The following LSM14A variants were observed in gnomAD, a reference collection of about 807,000 sequenced individuals.
The protein encoded by LSM14A is protein LSM14 homolog A.
Under a neutral mutation model 52.4 loss-of-function variants are expected in LSM14A, and 14 were observed. The observed-to-expected ratio is 0.27, with a 90% CI of 0.18 to 0.42. The LOEUF (loss-of-function observed/expected upper bound fraction) is 0.42, where lower values mean the gene tolerates loss of function less well. LSM14A is among the 10% of genes least tolerant of loss of function. LSM14A has a pLI of 1.00. For synonymous variants in LSM14A, 185 were observed against 200.3 expected, an observed-to-expected ratio of 0.92 and a Z score of 0.64; for missense variants, 417 against 581.8, an observed-to-expected ratio of 0.72 and a Z score of 2.91.
intron 9 of LSM14A, among the ~76,000 whole-genome samples, chr19:34,224,157 C>T (rs1364090007): frequency 1.3e-5 from 2 of 151,880 alleles, no homozygotes; most frequent in African/African-American, 4.8e-5. Context: ...GGTGAAACCC[C>T]GTCTCTACCA....
rs1039459032 is a variant in LSM14A, at chr19:34,229,223, A to G, written c.*1835A>G. The G allele has an allele frequency of 1.3e-5, 2 of 152,256 alleles. No homozygotes were observed. Among genetic ancestry groups the G allele is most frequent in the African/African-American group, 4.8e-5 (2 of 41,468 alleles). The allele number at this position is 152,256 out of a possible 1,614,324, so 9.4% of individuals were successfully genotyped here. A position where few individuals can be genotyped will look rare whatever the true frequency, so the allele number is the denominator to read the frequency against. ...ATAACTGGCAGCATGGCATACCTGC[A>G]GTACCCCTTACAATATTAAAGCAAA... On this transcript the variant is annotated 3_prime_UTR_variant, in exon 10 of 10. Coordinates refer to ENST00000544216, the MANE Select transcript of LSM14A (RefSeq NM_015578.4).
chr19:34,198,150 T>A (rs996539020), intron 3 of LSM14A, among the ~76,000 whole-genome samples: 2 of 152,234 alleles, frequency 1.3e-5, no homozygotes, highest in Non-Finnish European at 2.9e-5. Flanking sequence ...ACTGTTTCAC[T>A]GCACCACAAA....
intron 3 of LSM14A, among the ~76,000 whole-genome samples, chr19:34,207,456 C>T (rs1271777237): frequency 6.6e-6 from 1 of 152,044 alleles, no homozygotes; most frequent in African/African-American, 2.4e-5. Flanking sequence ...GGAGCTGCAG[C>T]CAGACTGGAC....
intron 9 of LSM14A, among the ~76,000 whole-genome samples, chr19:34,222,345 A>G (rs1334106002): frequency 6.6e-6 from 1 of 152,184 alleles, no homozygotes; most frequent in African/African-American, 2.4e-5. Flanking sequence ...AAATGTTTCG[A>G]TATATTGGCC....
intron 3 of LSM14A, among the ~76,000 whole-genome samples, chr19:34,197,020 A>G (rs1227547386): frequency 3.3e-5 from 5 of 151,868 alleles, no homozygotes; most frequent in African/African-American, 4.8e-5. Flanking sequence ...GGTATATCCA[A>G]TATCTACCAA....
At chr19:34,192,325 T>TTTTTGTTTTTTTTTTG (rs2070472050) in intron 1 of LSM14A, among the ~76,000 whole-genome samples, 2 of 88,508 alleles carry the variant, frequency 2.3e-5, no homozygotes, top group Non-Finnish European at 4.2e-5. Flanking sequence ...TGTTGTTTTT[T>TTTTTGTTTTTTTTTTG]TTTTTTTTTT....
intron 4 of LSM14A, among the ~76,000 whole-genome samples, chr19:34,211,175 C>T (rs1318436458): frequency 2.0e-5 from 3 of 151,474 alleles, no homozygotes; most frequent in Non-Finnish European, 2.9e-5. Context: ...GGCATGGTGG[C>T]GTGCACCTGT....
chr19:34,184,679 T>C (rs2069755320), intron 1 of LSM14A, among the ~76,000 whole-genome samples: 1 of 152,230 alleles, frequency 6.6e-6, no homozygotes, highest in Non-Finnish European at 1.5e-5. Flanking sequence ...AACATATCTT[T>C]TCACTTTTCT....
chr19:34,208,729 C>T (rs1167131348), intron 3 of LSM14A, 200 bp from the exon 4 acceptor site: 2 of 472,572 alleles, frequency 4.2e-6, no homozygotes, highest in Non-Finnish European at 7.6e-6. Context: ...TATATTGGCT[C>T]CCCCTTCCCC....
intron 1 of LSM14A, among the ~76,000 whole-genome samples, chr19:34,182,112 A>C (rs1192408337): frequency 6.6e-6 from 1 of 152,138 alleles, no homozygotes. Context: ...TCACTAGTCT[A>C]TTCAGAGATA....
intron 4 of LSM14A, among the ~76,000 whole-genome samples, 176 bp from the exon 5 acceptor site, chr19:34,214,948 A>G (rs2072465838): frequency 6.6e-6 from 1 of 151,732 alleles, no homozygotes; most frequent in South Asian, 2.1e-4. Context: ...TTTTTAACCT[A>G]ATGACAAGCC....
chr19:34,189,831 G>T (rs2070216604), intron 1 of LSM14A, among the ~76,000 whole-genome samples: 1 of 152,162 alleles, frequency 6.6e-6, no homozygotes, highest in African/African-American at 2.4e-5. Context: ...TGTGCTTAAA[G>T]ATAAGTTAAA....
chr19:34,192,310 C>CTTTTTTTTTTTTTTTTTTT (rs1568479681), intron 1 of LSM14A, among the ~76,000 whole-genome samples: 1 of 51,666 alleles, frequency 1.9e-5, no homozygotes, highest in African/African-American at 7.1e-5. Context: ...AAATAACATT[C>CTTTTTTTTTTTTTTTTTTT]TTTTTGTTGT....
At chr19:34,192,321 T>TTTTTTTTTTTTTG (rs2070467087) in intron 1 of LSM14A, among the ~76,000 whole-genome samples, 3 of 72,698 alleles carry the variant, frequency 4.1e-5, no homozygotes, top group African/African-American at 1.5e-4. Context: ...TTTTTGTTGT[T>TTTTTTTTTTTTTG]TTTTTTTTTT....
chr19:34,191,931 C>G (rs1337396304), intron 1 of LSM14A, among the ~76,000 whole-genome samples: 1 of 152,162 alleles, frequency 6.6e-6, no homozygotes, highest in East Asian at 1.9e-4. Context: ...GTTTGGCCAT[C>G]AGAGAAAGGG....
intron 1 of LSM14A, among the ~76,000 whole-genome samples, chr19:34,193,360 T>C (rs1468178313): frequency 2.0e-5 from 3 of 152,134 alleles, no homozygotes; most frequent in African/African-American, 7.2e-5. Flanking sequence ...AGAACATCAC[T>C]GTGTTGCTAG....
chr19:34,225,701 G>A (rs1424438673), intron 9 of LSM14A, among the ~76,000 whole-genome samples: 1 of 152,178 alleles, frequency 6.6e-6, no homozygotes, highest in Non-Finnish European at 1.5e-5. Context: ...TAATTGTCAT[G>A]ATTGAGGTAC....
chr19:34,222,745 C>G (rs2073131921), intron 9 of LSM14A, among the ~76,000 whole-genome samples: 1 of 152,172 alleles, frequency 6.6e-6, no homozygotes, highest in African/African-American at 2.4e-5. Context: ...AAAAATTATA[C>G]TCAAGTCACC....
At chr19:34,189,284 C>T (rs868161240) in intron 1 of LSM14A, among the ~76,000 whole-genome samples, 1 of 152,136 alleles carries the variant, frequency 6.6e-6, no homozygotes, top group Non-Finnish European at 1.5e-5. Context: ...TGTCAGGAAA[C>T]CAATAGTAGT....
Sources: gnomAD v4.1 joint callset for allele counts (sites outside exome capture counted in the v4.1 genomes callset) on GRCh38, gnomAD v4.1.1 for gene constraint, MANE v1.5 for transcripts, NCBI Gene and HGNC (gene_info 2026-07-23, HGNC 2026-07-21) for gene names.